Variants in NAALADL2 observed in about 807,000 individuals in gnomAD.
The protein encoded by NAALADL2 is N-acetylated alpha-linked acidic dipeptidase like 2, also known as inactive N-acetylated-alpha-linked acidic dipeptidase-like protein 2.
A neutral mutation model predicts 87.2 loss-of-function variants in NAALADL2; 76 were observed. The ratio of observed to expected loss-of-function variants is 0.87; its 90% CI spans 0.72 to 1.05. The LOEUF is 1.05. Among genes scored for constraint, NAALADL2 ranks in the 50% least tolerant of loss-of-function variants. NAALADL2 has a pLI of 0.00. For missense variants in NAALADL2, 1,089 were observed against 945.8 expected, an observed-to-expected ratio of 1.15 and a Z score of -1.99; for synonymous variants, 354 against 331.0, an observed-to-expected ratio of 1.07 and a Z score of -0.75.
chr3:174,549,664 T>C (rs536547302), intron 1 of NAALADL2, among the ~76,000 whole-genome samples: 1 of 152,316 alleles, frequency 6.6e-6, no homozygotes, highest in African/African-American at 2.4e-5. Flanking sequence ...TTTTAAAATG[T>C]TACTTTTTGT....
intron 3 of NAALADL2, among the ~76,000 whole-genome samples, chr3:174,837,048 C>T (rs979045443): frequency 6.6e-6 from 1 of 151,938 alleles, no homozygotes; most frequent in African/African-American, 2.4e-5. Flanking sequence ...ATTAAAAAAT[C>T]TGAAAGAACA....
At position 174,797,334 on chromosome 3, in the gene NAALADL2, CAG is replaced by C. The variant is rs1718260738; in HGVS notation, c.-9+59591_-9+59592del. Among the ~76,000 whole-genome samples the C allele has an allele frequency of 1.3e-4, 8 of 59,324 alleles. 1 individual carries two copies. The South Asian group carries it at 4.3e-3, about 32-fold the overall frequency. 38.9% of individuals were successfully genotyped at this position (59,324 alleles called of 152,430 possible). ...TTTTTTTTTTTTTTTTTTTTTGAGA[CAG>C]AGTCTCGCTTTGTCACCCAGGCTGG... is the stretch of plus-strand genomic sequence containing the variant. On this transcript the variant is annotated intron_variant, in intron 3 of 3. Transcript: ENST00000434257.
At chr3:175,008,239 C>G (rs1284648185) in intron 1 of NAALADL2, among the ~76,000 whole-genome samples, 1 of 151,918 alleles carries the variant, frequency 6.6e-6, no homozygotes, top group Non-Finnish European at 1.5e-5. Flanking sequence ...AATAAATAAG[C>G]CTGCCATGGT....
intron 2 of NAALADL2, among the ~76,000 whole-genome samples, chr3:175,121,388 T>C (rs1461996575): frequency 6.6e-6 from 1 of 151,858 alleles, no homozygotes; most frequent in Non-Finnish European, 1.5e-5. Context: ...GAGAACTAGA[T>C]GTTTCACAAC....
At chr3:174,889,557 C>T (rs756493946) in intron 1 of NAALADL2, among the ~76,000 whole-genome samples, 18 of 151,832 alleles carry the variant, frequency 1.2e-4, no homozygotes, top group Admixed American at 3.3e-4. Context: ...TTCTCTGCTT[C>T]CAGTGAAGAA....
chr3:174,802,556 A>T (rs1306916496), intron 3 of NAALADL2, among the ~76,000 whole-genome samples: 2 of 152,284 alleles, frequency 1.3e-5, no homozygotes, highest in South Asian at 4.1e-4. Context: ...ATAGGTATAC[A>T]TGTGCCATGT....
chr3:174,832,299 G>T (rs554774173), intron 3 of NAALADL2, among the ~76,000 whole-genome samples: 3 of 151,966 alleles, frequency 2.0e-5, no homozygotes, highest in Non-Finnish European at 4.4e-5. Flanking sequence ...AGAGATTCTG[G>T]TATGTTTTGT....
At chr3:175,047,112 A>G (rs939040170) in intron 1 of NAALADL2, among the ~76,000 whole-genome samples, 3 of 152,156 alleles carry the variant, frequency 2.0e-5, no homozygotes, top group Non-Finnish European at 4.4e-5. Flanking sequence ...CTCCACTGTC[A>G]TGATCCAGTC....
chr3:175,374,995 C>T (rs915627142), intron 5 of NAALADL2, among the ~76,000 whole-genome samples: 1 of 151,788 alleles, frequency 6.6e-6, no homozygotes, highest in African/African-American at 2.4e-5. Flanking sequence ...ACATTTTTTC[C>T]CATATAGTTA....
chr3:175,575,987 A>G (rs1308888081), intron 9 of NAALADL2, 54 bp from the exon 10 acceptor site: 1 of 1,449,638 alleles, frequency 6.9e-7, no homozygotes, highest in East Asian at 2.4e-5. Context: ...GCACTGATCT[A>G]GGGATGACCT....
intron 7 of NAALADL2, among the ~76,000 whole-genome samples, chr3:175,465,059 T>C (rs1352749334): frequency 6.6e-6 from 1 of 152,058 alleles, no homozygotes; most frequent in Non-Finnish European, 1.5e-5. Context: ...GCAGAGTTTC[T>C]CAAATTTTGC....
intron 2 of NAALADL2, among the ~76,000 whole-genome samples, chr3:175,152,670 T>A (rs762968459): frequency 1.3e-5 from 2 of 152,112 alleles, no homozygotes; most frequent in African/African-American, 2.4e-5. Flanking sequence ...CTTTGGGATG[T>A]CGAGGCAGGT....
At chr3:175,537,166 T>C (rs1734932239) in intron 9 of NAALADL2, among the ~76,000 whole-genome samples, 1 of 152,228 alleles carries the variant, frequency 6.6e-6, no homozygotes, top group Non-Finnish European at 1.5e-5. Context: ...TGTTCAAGGA[T>C]ATAAAGGTTG....
At chr3:174,677,020 TC>T (rs1727101772) in intron 2 of NAALADL2, among the ~76,000 whole-genome samples, 1 of 151,936 alleles carries the variant, frequency 6.6e-6, no homozygotes, top group Non-Finnish European at 1.5e-5. Context: ...TAGCTAGCTA[TC>T]CATTCTTTTT....
At chr3:174,895,057 A>G (rs1178502366) in intron 1 of NAALADL2, among the ~76,000 whole-genome samples, 2 of 152,160 alleles carry the variant, frequency 1.3e-5, no homozygotes, top group African/African-American at 2.4e-5. Context: ...TTATAGCTTT[A>G]AGTGCCTACA....
chr3:174,609,019 C>G (rs1405616482), intron 2 of NAALADL2, among the ~76,000 whole-genome samples: 2 of 151,434 alleles, frequency 1.3e-5, no homozygotes, highest in Non-Finnish European at 3.0e-5. Flanking sequence ...ATACGCAAAT[C>G]AATAAATGTA....
intron 1 of NAALADL2, among the ~76,000 whole-genome samples, chr3:174,467,962 TG>T (rs1716641076): frequency 1.3e-5 from 2 of 152,306 alleles, no homozygotes; most frequent in East Asian, 3.9e-4. Flanking sequence ...ATGTATATTT[TG>T]ATATGGTAAA....
At chr3:174,890,757 G>C (rs935882452) in intron 1 of NAALADL2, among the ~76,000 whole-genome samples, 4 of 151,912 alleles carry the variant, frequency 2.6e-5, no homozygotes, top group Non-Finnish European at 4.4e-5. Flanking sequence ...CATTTGACAG[G>C]GTGTATGTGG....
intron 9 of NAALADL2, among the ~76,000 whole-genome samples, chr3:175,517,101 A>G (rs957386020): frequency 2.6e-5 from 4 of 152,156 alleles, no homozygotes; most frequent in African/African-American, 9.7e-5. Flanking sequence ...ATCTTTACCT[A>G]TTTTAACACA....
Sources: gnomAD v4.1 joint callset for allele counts (sites outside exome capture counted in the v4.1 genomes callset) on GRCh38, gnomAD v4.1.1 for gene constraint, MANE v1.5 for transcripts, NCBI Gene and HGNC (gene_info 2026-07-23, HGNC 2026-07-21) for gene names.